Variants in CD244 observed in about 807,000 individuals in gnomAD.
The protein encoded by CD244 is CD244 molecule.
In CD244, 20 loss-of-function variants were observed where a neutral mutation model predicts 45.5. The observed-to-expected ratio is 0.44, with a 90% CI of 0.31 to 0.64. CD244 has a LOEUF of 0.64. Among genes scored for constraint, CD244 ranks in the 30% least tolerant of loss-of-function variants. The pLI, the probability that CD244 is intolerant of heterozygous loss-of-function variation, is 0.08. For synonymous variants in CD244, 185 were observed against 160.5 expected (o/e 1.15, Z -1.15); for missense variants, 407 against 426.9 (o/e 0.95, Z 0.41).
At chr1:160,834,621 G>A (rs1669261581) in intron 6 of CD244, among the ~76,000 whole-genome samples, 1 of 152,214 alleles carries the variant, frequency 6.6e-6, no homozygotes, top group South Asian at 2.1e-4. Flanking sequence ...AAAGTGTTGG[G>A]ATTACAGGCA....
At chr1:160,837,200 C>A (rs139170596) in intron 5 of CD244, among the ~76,000 whole-genome samples, 1 of 152,240 alleles carries the variant, frequency 6.6e-6, no homozygotes, top group African/African-American at 2.4e-5. Flanking sequence ...GCTCTTGAGT[C>A]GGAAGAAGTA....
chr1:160,854,640 C>T (rs181431636), intron 1 of CD244, among the ~76,000 whole-genome samples: 9 of 151,922 alleles, frequency 5.9e-5, no homozygotes, highest in Non-Finnish European at 1.3e-4. Flanking sequence ...GTAATCCACC[C>T]GTCTCAGCCT....
intron 1 of CD244, among the ~76,000 whole-genome samples, chr1:160,853,742 C>T (rs1159602721): frequency 7.1e-6 from 1 of 141,600 alleles, no homozygotes; most frequent in African/African-American, 2.7e-5. Context: ...CATGACTGCA[C>T]CACTGCACCC....
intron 1 of CD244, among the ~76,000 whole-genome samples, chr1:160,846,462 T>A (rs577580152): frequency 1.1e-3 from 168 of 152,130 alleles, no homozygotes; most frequent in African/African-American, 4.0e-3. Context: ...AGGTCGGGAG[T>A]TGGAGACCAG....
In CD244 at chr1:160,832,265, C is replaced by T. The variant is rs145537564; in HGVS notation, c.1017+254G>A. Among the ~76,000 whole-genome samples the T allele has an allele frequency of 2.7e-3, 415 of 152,070 alleles. 3 individuals are homozygous for T. The highest frequency in any genetic ancestry group is 9.2e-3 in the African/African-American group (380 of 41,348). ...CACAGCCTGGGAACTAGCTCGGGGACGGCCCTAATTTAAAACCCAAGCTGC... is the reference window on the plus strand; with the variant it reads ...CACAGCCTGGGAACTAGCTCGGGGATGGCCCTAATTTAAAACCCAAGCTGC... On this transcript the variant is annotated intron_variant, in intron 8 of 8. Transcript: ENST00000368034.
intron 1 of CD244, chr1:160,848,515 T>C: frequency 1.3e-5 from 6 of 461,544 alleles, no homozygotes; most frequent in South Asian, 1.0e-4. Flanking sequence ...CTGATATAAA[T>C]CAAAAGACCC....
rs1669068291 is a variant in CD244, at chr1:160,830,331, T to G, written c.*1016A>C. On this transcript the variant is annotated 3_prime_UTR_variant, in exon 9 of 9. Transcript: ENST00000368034. ...GAGTAAGTCCTCTCCCAGTTCACCCTTGTCGCTTTCCTGGGCTCAGCCAGA... is the reference window on the plus strand; with the variant it reads ...GAGTAAGTCCTCTCCCAGTTCACCCGTGTCGCTTTCCTGGGCTCAGCCAGA... 6.6e-6 allele frequency: 1 copy of G among 152,450 alleles called. No homozygotes were observed. 9.4% of individuals were successfully genotyped at this position (152,450 alleles called of 1,614,324 possible). A position where few individuals can be genotyped will look rare whatever the true frequency, so the allele number is the denominator to read the frequency against.
chr1:160,855,062 C>A (rs1670059021), intron 1 of CD244, among the ~76,000 whole-genome samples: 1 of 152,188 alleles, frequency 6.6e-6, no homozygotes, highest in Non-Finnish European at 1.5e-5. Context: ...TCAGCAGAGG[C>A]AAATGTGGCC....
chr1:160,832,902 A>G (rs923124570), intron 7 of CD244, among the ~76,000 whole-genome samples: 4 of 151,388 alleles, frequency 2.6e-5, no homozygotes, highest in African/African-American at 7.3e-5. Flanking sequence ...ACACACATAT[A>G]TATACATATT....
intron 6 of CD244, among the ~76,000 whole-genome samples, chr1:160,834,571 T>G (rs1669259269): frequency 6.6e-6 from 1 of 152,196 alleles, no homozygotes; most frequent in African/African-American, 2.4e-5. Flanking sequence ...CAGGCTGGTC[T>G]CAAACCCCTG....
At chr1:160,849,283 C>CTTTTTTTTTTTTTTTTTTTTTTTTTT (rs371170555) in intron 1 of CD244, among the ~76,000 whole-genome samples, 1 of 139,328 alleles carries the variant, frequency 7.2e-6, no homozygotes, top group Non-Finnish European at 1.5e-5. Context: ...CCATCTCTTT[C>CTTTTTTTTTTTTTTTTTTTTTTTTTT]TTTTTTTTTT....
intron 6 of CD244, among the ~76,000 whole-genome samples, chr1:160,835,411 A>G (rs553560297): frequency 1.3e-5 from 2 of 152,294 alleles, no homozygotes; most frequent in Non-Finnish European, 2.9e-5. Context: ...ACCACATCTA[A>G]AGTATTAGAA....
Position 160,838,767 on chromosome 1 carries a change from G to A in CD244, c.766+172C>T, listed in dbSNP as rs548206297. 2.7e-4 allele frequency: 165 copies of A among 617,744 alleles called. 1 individual carries two copies. The African/African-American group carries it at 2.7e-3, about 10-fold the overall frequency. The allele number at this position is 617,744 out of a possible 1,614,324, so 38.3% of individuals were successfully genotyped here. On this transcript the variant is annotated intron_variant, in intron 4 of 8. Transcript: ENST00000368034. ...ATTGGGATCAGAAGGCATGAACTGG[G>A]AGAGAGAGCCTAGCAACCTGCTTGC... is the stretch of plus-strand genomic sequence containing the variant.
chr1:160,850,782 A>G (rs1460845360), intron 1 of CD244, among the ~76,000 whole-genome samples: 1 of 152,182 alleles, frequency 6.6e-6, no homozygotes, highest in African/African-American at 2.4e-5. Flanking sequence ...TCAGCTCTTC[A>G]GTGGACACCA....
intron 6 of CD244, among the ~76,000 whole-genome samples, chr1:160,834,783 C>T (rs1362745184): frequency 1.3e-5 from 2 of 152,218 alleles, no homozygotes; most frequent in Non-Finnish European, 2.9e-5. Flanking sequence ...AATTCAAACC[C>T]AAGACTCTCC....
At chr1:160,854,591 G>A (rs1433020476) in intron 1 of CD244, among the ~76,000 whole-genome samples, 7 of 147,150 alleles carry the variant, frequency 4.8e-5, no homozygotes, top group East Asian at 2.0e-4. Flanking sequence ...ACAGGGTTTC[G>A]CCATATTGGC....
At position 160,841,765 on chromosome 1, in the gene CD244, T is replaced by C. The variant is rs1372046355; in HGVS notation, c.198A>G (p.Ile66Met). ...GCAAAGAGCCATTCTCCCACTTCAA[T>C]ATGTGATGAAATCCATTTTGTGAGG... ...LLPSQNGFHH[I>M]LKWENGSLPS... The change falls in exon 2 of 9, where the codon ATA (isoleucine) becomes ATG (methionine). Residue 66 changes from isoleucine to methionine, a missense_variant. Ile to Met is a conservative substitution (Grantham distance 10). Coordinates refer to ENST00000368034, the MANE Select transcript of CD244 (RefSeq NM_016382.4). The C allele has an allele frequency of 2.5e-6, 4 of 1,614,110 alleles. No individual in the cohort carries two copies. Among genetic ancestry groups the C allele is most frequent in the Admixed American group, 1.7e-5 (1 of 60,010 alleles).
intron 1 of CD244, chr1:160,848,386 T>C: frequency 1.8e-6 from 1 of 563,426 alleles, no homozygotes; most frequent in South Asian, 1.4e-5. Context: ...ATGGCAAGCG[T>C]GTGGTATTTG....
At chr1:160,834,210 C>T (rs1669243145) in intron 6 of CD244, 94 bp from the exon 7 acceptor site, 3 of 924,480 alleles carry the variant, frequency 3.2e-6, no homozygotes, top group Non-Finnish European at 5.3e-6. Flanking sequence ...CAACCCTGCC[C>T]AGATGGAAGC....
Sources: allele counts gnomAD v4.1 joint callset (sites outside exome capture counted in the v4.1 genomes callset), GRCh38; gene constraint gnomAD v4.1.1; transcripts MANE v1.5; gene names NCBI Gene and HGNC (gene_info 2026-07-23, HGNC 2026-07-21).